CCDC88C: variants seen among roughly 807,000 people sequenced by gnomAD.
CCDC88C encodes protein Daple.
In CCDC88C, 131 loss-of-function variants were observed where a neutral mutation model predicts 198.8. That is an observed-to-expected ratio of 0.66 (90% CI 0.57 to 0.76). The LOEUF (loss-of-function observed/expected upper bound fraction) is 0.76. Ranked by LOEUF, CCDC88C falls within the 30% of genes least tolerant of loss-of-function variation. CCDC88C has a pLI of 0.00. For synonymous variants in CCDC88C, 1,166 were observed against 1,114.7 expected (o/e 1.05, Z -0.92); for missense variants, 2,553 against 2,631.6 (o/e 0.97, Z 0.65).
chr14:91,376,585 G>A (rs1448259016), intron 3 of CCDC88C, among the ~76,000 whole-genome samples: 3 of 152,218 alleles, frequency 2.0e-5, no homozygotes, highest in African/African-American at 4.8e-5. Flanking sequence ...CTGCATGAAC[G>A]CAGAGGTGAG....
chr14:91,326,979 T>C (rs977061580), intron 10 of CCDC88C, among the ~76,000 whole-genome samples: 10 of 152,236 alleles, frequency 6.6e-5, no homozygotes, highest in African/African-American at 2.4e-4. Flanking sequence ...CAGGCAGTGA[T>C]GTGCACAAGG....
chr14:91,354,283 AG>A (rs1893944368), intron 4 of CCDC88C, among the ~76,000 whole-genome samples: 1 of 152,258 alleles, frequency 6.6e-6, no homozygotes, highest in South Asian at 2.1e-4. Flanking sequence ...GCTTCCCGTC[AG>A]ACAAATCTAG....
At position 91,313,752 on chromosome 14, in the gene CCDC88C, C is replaced by A. The variant is rs777851448; in HGVS notation, c.2064G>T (p.Val688=). The A allele has an allele frequency of 1.9e-6, 3 of 1,608,462 alleles. No homozygotes were observed. Among genetic ancestry groups the A allele is most frequent in the Admixed American group, 3.3e-5 (2 of 59,992 alleles). The part of the protein sequence containing the change: ...LRKSLDTLQN[V]SLQLEGLERD... ...GCTCCAGGCCCTCAAGCTGCAGGGACACGTTCTGCAAGGTGTCCAGAGACT... is the reference window on the plus strand; with the variant it reads ...GCTCCAGGCCCTCAAGCTGCAGGGAAACGTTCTGCAAGGTGTCCAGAGACT... The change falls in exon 15 of 30, where the codon GTG becomes GTT. Residue 688 remains valine, a synonymous_variant. Transcript: ENST00000389857. The surrounding 1 kb of genome is among the most constrained non-coding windows in gnomAD (Gnocchi z 5.2).
At position 91,313,288 on chromosome 14, in the gene CCDC88C, C is replaced by T. The variant is rs763484279; in HGVS notation, c.2528G>A (p.Arg843Gln). The part of the protein sequence containing the change: ...DKKLLEKEAK[R>Q]LWQQVELKDA... ...CTTGAGCTCCACCTGCTGCCACAGC[C>T]GCTTGGCCTCCTTCTCCAGCAGCTT... Residue 843 changes from arginine (R) to glutamine (Q), a missense_variant, in exon 15 of 30, where the codon CGG (arginine) becomes CAG (glutamine). Physicochemically the swap from Arg to Gln is conservative, Grantham distance 43. Around this residue, in one of 2 missense-constraint regions of CCDC88C, gnomAD observed 1,260 missense variants for 1,412.0 expected, o/e 0.89. Transcript: ENST00000389857. The surrounding 1 kb of genome is among the most constrained non-coding windows in gnomAD (Gnocchi z 5.2). 28 of 1,613,848 alleles carry T rather than the reference C, an allele frequency of 1.7e-5. No individual in the cohort carries two copies. Among genetic ancestry groups the T allele is most frequent in the Middle Eastern group, 1.6e-4 (1 of 6,084 alleles).
At position 91,402,755 on chromosome 14, in the gene CCDC88C, A is replaced by G. The variant is rs527402027; in HGVS notation, c.270+5904T>C. Among the ~76,000 whole-genome samples the G allele has an allele frequency of 2.0e-4, 31 of 152,378 alleles. No homozygotes were observed. In the South Asian group the frequency reaches 2.3e-3, roughly 11 times the overall value. ...TATGGAAAAATAGAACCGTATGTTC[A>G]TATTTATTTTGAACGACAGGTATGT... On this transcript the variant is annotated intron_variant, in intron 3 of 29. Coordinates refer to ENST00000389857, the MANE Select transcript of CCDC88C (RefSeq NM_001080414.4).
At chr14:91,309,224 C>T (rs1891696899) in intron 16 of CCDC88C, among the ~76,000 whole-genome samples, 1 of 152,156 alleles carries the variant, frequency 6.6e-6, no homozygotes. Context: ...CAGAGTGACA[C>T]TTCGTCTCAA....
At chr14:91,389,801 G>A (rs1228263253) in intron 3 of CCDC88C, among the ~76,000 whole-genome samples, 8 of 151,780 alleles carry the variant, frequency 5.3e-5, no homozygotes, top group East Asian at 1.9e-4. Flanking sequence ...GGCCAGGCGC[G>A]GTGGCTCACG....
Position 91,283,423 on chromosome 14 carries a change from G to T in CCDC88C, c.4536C>A (p.Pro1512=), listed in dbSNP as rs1305072152. The change falls in exon 26 of 30, where the codon CCC becomes CCA. Residue 1512 remains proline (P), a synonymous_variant. Coordinates refer to ENST00000389857, the MANE Select transcript of CCDC88C (RefSeq NM_001080414.4). ...ASTDLAMRSW[P]SELGSRTCST... ...AGCAAGTCCGGGAGCCCAGCTCCGA[G>T]GGCCAGGACCTCATGGCCAGATCGG... 6.2e-7 allele frequency: 1 copy of T among 1,613,724 alleles called. No individual in the cohort carries two copies. Among genetic ancestry groups the T allele is most frequent in the Non-Finnish European group, 8.5e-7 (1 of 1,179,822 alleles).
chr14:91,307,756 CTG>C (rs1381286313), intron 17 of CCDC88C, among the ~76,000 whole-genome samples: 2 of 152,074 alleles, frequency 1.3e-5, no homozygotes, highest in Non-Finnish European at 2.9e-5. Context: ...GTGTGTACAC[CTG>C]TGTGTGAGGA....
At chr14:91,409,694 G>A (rs1202098033) in intron 2 of CCDC88C, among the ~76,000 whole-genome samples, 1 of 149,040 alleles carries the variant, frequency 6.7e-6, no homozygotes, top group Non-Finnish European at 1.5e-5. Context: ...CACCATGTTG[G>A]CCAGGCTGGT....
intron 3 of CCDC88C, among the ~76,000 whole-genome samples, chr14:91,398,802 G>T (rs1200825879): frequency 6.6e-6 from 1 of 152,206 alleles, no homozygotes; most frequent in Non-Finnish European, 1.5e-5. Context: ...GAGAGCTGCA[G>T]CCCTCTTGTC....
intron 26 of CCDC88C, among the ~76,000 whole-genome samples, chr14:91,282,142 C>G (rs1365134911): frequency 2.0e-5 from 3 of 152,188 alleles, no homozygotes; most frequent in African/African-American, 4.8e-5. Context: ...AAAATGACAA[C>G]AGGGTCTCCA....
chr14:91,380,608 C>T (rs899733560), intron 3 of CCDC88C, among the ~76,000 whole-genome samples: 6 of 152,134 alleles, frequency 3.9e-5, no homozygotes, highest in African/African-American at 1.4e-4. Flanking sequence ...AGCATCATGT[C>T]ATTCCACTTC....
chr14:91,314,414 T>G (rs1268168805), intron 14 of CCDC88C, among the ~76,000 whole-genome samples: 3 of 152,226 alleles, frequency 2.0e-5, no homozygotes, highest in Non-Finnish European at 2.9e-5. Flanking sequence ...CACTTAAGTT[T>G]CAGCGGTTTC....
At chr14:91,306,609 T>C (rs528920125) in intron 18 of CCDC88C, among the ~76,000 whole-genome samples, 4 of 152,354 alleles carry the variant, frequency 2.6e-5, no homozygotes, top group Admixed American at 1.3e-4. Flanking sequence ...AAGGGCCAGA[T>C]AGGAAATACT....
Position 91,374,614 on chromosome 14 carries a change from G to A in CCDC88C, c.271-14903C>T, listed in dbSNP as rs112482815. ...GGCAGAGGGAACAGCCAGGGGCAAGGGGTTACAGCCAGAACAGGCCGTGCA... is the reference window on the plus strand; with the variant it reads ...GGCAGAGGGAACAGCCAGGGGCAAGAGGTTACAGCCAGAACAGGCCGTGCA... On this transcript the variant is annotated intron_variant, in intron 3 of 29. Coordinates refer to ENST00000389857, the MANE Select transcript of CCDC88C (RefSeq NM_001080414.4). Among the ~76,000 whole-genome samples the A allele has an allele frequency of 2.2e-3, 329 of 152,274 alleles. 1 individual carries two copies. The highest frequency in any genetic ancestry group is 7.6e-3 in the African/African-American group (314 of 41,542).
Position 91,272,660 on chromosome 14 carries a change from G to T in CCDC88C, c.6052C>A (p.Pro2018Thr). 1 of 1,611,516 alleles carries T rather than the reference G, an allele frequency of 6.2e-7. No homozygotes were observed. Reference sequence around the variant, plus strand: ...CCGTACTCATACCACACGGTCTGCGGATCCCCGCCGGGCTCCGGGGAGGCC... The same window carrying T: ...CCGTACTCATACCACACGGTCTGCGTATCCCCGCCGGGCTCCGGGGAGGCC... Reference protein sequence around the residue: ...SPASPEPGGDPQTVWYEYGCV With the variant: ...SPASPEPGGDTQTVWYEYGCV The change falls in exon 30 of 30, where the codon CCG becomes ACG. Residue 2018 changes from proline to threonine, a missense_variant. Around this residue, in one of 2 missense-constraint regions of CCDC88C, gnomAD observed 1,293 missense variants for 1,219.6 expected, o/e 1.06. Coordinates refer to ENST00000389857, the MANE Select transcript of CCDC88C (RefSeq NM_001080414.4).
intron 23 of CCDC88C, among the ~76,000 whole-genome samples, chr14:91,293,173 T>TCC (rs1890754325): frequency 7.2e-6 from 1 of 138,052 alleles, no homozygotes; most frequent in Non-Finnish European, 1.5e-5. Flanking sequence ...CACCTTCCCA[T>TCC]CCTCACCTGC....
intron 3 of CCDC88C, among the ~76,000 whole-genome samples, chr14:91,375,072 T>C (rs1884313275): frequency 6.6e-6 from 1 of 152,048 alleles, no homozygotes; most frequent in South Asian, 2.1e-4. Context: ...ACAGACTGAG[T>C]TTCCTCTGCT....
Sources: allele counts gnomAD v4.1 joint callset (sites outside exome capture counted in the v4.1 genomes callset), GRCh38; gene constraint gnomAD v4.1.1; regional missense constraint gnomAD v4.1.1; non-coding constraint Gnocchi (gnomAD v3.1); transcripts MANE v1.5; gene names NCBI Gene and HGNC (gene_info 2026-07-23, HGNC 2026-07-21).